Variants in TRPA1 observed in about 807,000 individuals in gnomAD.
TRPA1 encodes transient receptor potential cation channel subfamily A member 1, also known as ankyrin-like with transmembrane domains 1.
TRPA1 carries 129 observed loss-of-function variants against 131.3 expected under a neutral mutation model. That is an observed-to-expected ratio of 0.98 (90% CI 0.85 to 1.14). The LOEUF (loss-of-function observed/expected upper bound fraction) is 1.14. TRPA1 is among the 50% of genes most tolerant of loss of function. TRPA1 has a pLI of 0.00. For missense variants in TRPA1, 1,304 were observed against 1,354.2 expected, an observed-to-expected ratio of 0.96 and a Z score of 0.58; for synonymous variants, 441 against 451.7, an observed-to-expected ratio of 0.98 and a Z score of 0.30.
intron 21 of TRPA1, among the ~76,000 whole-genome samples, chr8:72,034,931 A>G (rs1282113274): frequency 6.6e-6 from 1 of 152,228 alleles, no homozygotes; most frequent in Non-Finnish European, 1.5e-5. Flanking sequence ...TCTCAATATC[A>G]AAGAAAATGC....
chr8:72,068,882 G>A, intron 3 of TRPA1, 141 bp downstream of exon 3: 1 of 871,786 alleles, frequency 1.1e-6, no homozygotes, highest in Non-Finnish European at 1.9e-6. Flanking sequence ...TTAGTGAGAA[G>A]TAAAGCAAAT....
At chr8:72,028,938 C>T (rs1811703379) in intron 24 of TRPA1, among the ~76,000 whole-genome samples, 1 of 152,120 alleles carries the variant, frequency 6.6e-6, no homozygotes, top group Admixed American at 6.5e-5. Context: ...CTCAAACTGG[C>T]CAAAGTTTCT....
Position 72,023,085 on chromosome 8 carries a change from G to GT in TRPA1, c.3180dup (p.Gln1061ThrfsTer3), listed in dbSNP as rs1563377634. The GT allele has an allele frequency of 3.1e-6, 5 of 1,613,402 alleles. No individual in the cohort carries two copies. The highest frequency in any genetic ancestry group is 4.2e-6 in the Non-Finnish European group (5 of 1,179,710). ...ATGATCAGTTTAATGAGCTCATGCT[G>GT]TTTTTCCAGGAGAAAAGTAAGATCC... is the stretch of plus-strand genomic sequence containing the variant. On this transcript the variant is annotated frameshift_variant, in exon 27 of 27. Coordinates refer to ENST00000262209, the MANE Select transcript of TRPA1 (RefSeq NM_007332.3). LOFTEE classifies it high-confidence loss of function.
chr8:72,037,824 AC>A (rs1486654818), intron 20 of TRPA1, among the ~76,000 whole-genome samples, 158 bp downstream of exon 20: 1 of 152,072 alleles, frequency 6.6e-6, no homozygotes, highest in Non-Finnish European at 1.5e-5. Flanking sequence ...TGTGATTTCT[AC>A]ATTTTGAAAC....
rs1811427672 is a variant in TRPA1 at position 72,022,470 on chromosome 8, A to G, written c.*436T>C. On this transcript the variant is annotated 3_prime_UTR_variant, in exon 27 of 27. Transcript: ENST00000262209. Reference sequence around the variant, plus strand: ...CTTAGGTTAGGTAGACCTCAACCTAATATTTAAGACTATCATCTAAGGCAT... The same window carrying G: ...CTTAGGTTAGGTAGACCTCAACCTAGTATTTAAGACTATCATCTAAGGCAT... 4 of 304,260 alleles carry G rather than the reference A, an allele frequency of 1.3e-5. No homozygotes were observed. Among genetic ancestry groups the G allele is most frequent in the Non-Finnish European group, 2.5e-5 (4 of 158,538 alleles). 18.8% of individuals were successfully genotyped at this position (304,260 alleles called of 1,614,324 possible).
At chr8:72,077,439 A>G (rs936954354), upstream of TRPA1, among the ~76,000 whole-genome samples, 1 of 152,244 alleles carries the variant, frequency 6.6e-6, no homozygotes, top group Non-Finnish European at 1.5e-5. Flanking sequence ...CCCCACTGAC[A>G]TTCTCCAAAG....
At chr8:72,024,493 C>A (rs569566164) in intron 25 of TRPA1, among the ~76,000 whole-genome samples, 1 of 151,980 alleles carries the variant, frequency 6.6e-6, no homozygotes, top group Admixed American at 6.6e-5. Flanking sequence ...TCAAATGGAC[C>A]AGACTGAGGG....
intron 19 of TRPA1, 72 bp downstream of exon 19, chr8:72,038,792 TG>T: frequency 1.6e-6 from 2 of 1,288,166 alleles, no homozygotes; most frequent in Non-Finnish European, 2.2e-6. Flanking sequence ...AGATTTATTA[TG>T]GGTTTAGTAG....
chr8:72,046,225 T>C (rs1310860650), intron 17 of TRPA1, among the ~76,000 whole-genome samples: 2 of 152,036 alleles, frequency 1.3e-5, no homozygotes, highest in Non-Finnish European at 2.9e-5. Context: ...AAGGATTGCT[T>C]TCTTTATTAA....
At chr8:72,079,119 A>G (rs565594099), upstream of TRPA1, among the ~76,000 whole-genome samples, 2 of 152,100 alleles carry the variant, frequency 1.3e-5, no homozygotes, top group African/African-American at 4.8e-5. Flanking sequence ...AAATTGTAAG[A>G]GTTCTTTATT....
At chr8:72,084,499 T>C in the TRPA1 span, among the ~76,000 whole-genome samples, 2 of 151,948 alleles carry the variant, frequency 1.3e-5, no homozygotes, top group Non-Finnish European at 2.9e-5. Context: ...TTGTTTCTTA[T>C]GAAATGTTTT....
chr8:72,063,384 GAAA>G, intron 5 of TRPA1, 76 bp downstream of exon 5: 1 of 921,660 alleles, frequency 1.1e-6, no homozygotes. Flanking sequence ...CATCTCAAAA[GAAA>G]AAAAAAAATC....
At position 72,063,667 on chromosome 8, in the gene TRPA1, T is replaced by C. The variant is rs1404781831; in HGVS notation, c.553-96A>G. The C allele has an allele frequency of 2.5e-5, 20 of 787,116 alleles. No individual in the cohort carries two copies. In the East Asian group the frequency reaches 4.5e-4, roughly 18 times the overall value. The allele number at this position is 787,116 out of a possible 1,614,324, so 48.8% of individuals were successfully genotyped here. A position where few individuals can be genotyped will look rare whatever the true frequency, so the allele number is the denominator to read the frequency against. On this transcript the variant is annotated intron_variant, in intron 4 of 26. Transcript: ENST00000262209. ...GTGCCTCTCCCATATCATTTTACTA[T>C]TATATGTCTATGTAAAAGTACATAG...
At chr8:72,053,011 G>T (rs1219724710) in intron 13 of TRPA1, 31 of 148,122 alleles carry the variant, frequency 2.1e-4, no homozygotes, top group South Asian at 1.3e-3. Flanking sequence ...TAGAGAAAGA[G>T]AGAGAGAGAG....
chr8:72,068,993 A>C, intron 3 of TRPA1, 30 bp downstream of exon 3: 1 of 1,613,912 alleles, frequency 6.2e-7, no homozygotes. Flanking sequence ...ACCGCCGGTC[A>C]GGCCCTTTGG....
intron 5 of TRPA1, 128 bp downstream of exon 5, chr8:72,063,335 A>G (rs1805851616): frequency 1.5e-6 from 1 of 673,258 alleles, no homozygotes; most frequent in South Asian, 1.8e-5. Context: ...AGCTGAGATC[A>G]CACCACTGCA....
At chr8:72,083,091 A>G in the TRPA1 span, among the ~76,000 whole-genome samples, 4 of 151,814 alleles carry the variant, frequency 2.6e-5, no homozygotes, top group Non-Finnish European at 4.4e-5. Context: ...TAAATTTTTC[A>G]TTTATATTAT....
In TRPA1 at chr8:72,067,873, C is replaced by G. The variant is rs1382833310; in HGVS notation, c.444+1150G>C. Among the ~76,000 whole-genome samples the G allele has an allele frequency of 7.9e-5, 12 of 152,340 alleles. No homozygotes were observed. The East Asian group carries it at 2.3e-3, about 29-fold the overall frequency. On this transcript the variant is annotated intron_variant, in intron 3 of 26. Transcript: ENST00000262209. ...ACTGAGACTTCAGCTCTCCCCTTCT[C>G]AGTCAGCCAGAACTCCCATTTACTC...
At chr8:72,089,005 G>T in the TRPA1 span, among the ~76,000 whole-genome samples, 5,848 of 152,182 alleles carry the variant, frequency 0.038, 382 homozygotes, top group African/African-American at 0.13. Flanking sequence ...AGGAAATCTT[G>T]CTAAGAGTCA....
Sources: allele counts gnomAD v4.1 joint callset (sites outside exome capture counted in the v4.1 genomes callset), GRCh38; gene constraint gnomAD v4.1.1; transcripts MANE v1.5; gene names NCBI Gene and HGNC (gene_info 2026-07-23, HGNC 2026-07-21).